Variants in FAM120B observed in about 807,000 individuals in gnomAD.
The protein encoded by FAM120B is constitutive coactivator of peroxisome proliferator-activated receptor gamma.
In FAM120B, 83 loss-of-function variants were observed where a neutral mutation model predicts 96.3. The observed-to-expected ratio is 0.86, with a 90% CI of 0.72 to 1.03. The LOEUF is 1.03. Among genes scored for constraint, FAM120B ranks in the 50% least tolerant of loss-of-function variants. The pLI is 0.00. For missense variants in FAM120B, 1,027 were observed against 1,121.2 expected (o/e 0.92, Z 1.20); for synonymous variants, 407 against 402.7 (o/e 1.01, Z -0.13).
intron 1 of FAM120B, among the ~76,000 whole-genome samples, chr6:170,297,604 A>G (rs1784046031): frequency 6.6e-6 from 1 of 152,128 alleles, no homozygotes; most frequent in Non-Finnish European, 1.5e-5. Context: ...AAGTTATTCA[A>G]CTTTCCACCT....
intron 1 of FAM120B, among the ~76,000 whole-genome samples, chr6:170,309,793 C>A (rs1003378060): frequency 1.3e-5 from 2 of 152,010 alleles, no homozygotes; most frequent in Non-Finnish European, 2.9e-5. Flanking sequence ...AGGTTTTTGC[C>A]CATTAAGCAC....
chr6:170,376,886 G>A (rs199762723), intron 6 of FAM120B, among the ~76,000 whole-genome samples: 1 of 152,088 alleles, frequency 6.6e-6, no homozygotes. Context: ...TCCGTGTAGA[G>A]CAAGCGGGGA....
At chr6:170,390,577 GTTTTGTT>G (rs561816658) in intron 7 of FAM120B, among the ~76,000 whole-genome samples, 49 of 151,998 alleles carry the variant, frequency 3.2e-4, no homozygotes, top group Middle Eastern at 6.8e-3. Context: ...TGCTGATGTT[GTTTTGTT>G]TTTTGTTTTT....
intron 1 of FAM120B, among the ~76,000 whole-genome samples, chr6:170,316,592 A>G (rs186649210): frequency 6.6e-6 from 1 of 152,342 alleles, no homozygotes; most frequent in Non-Finnish European, 1.5e-5. Context: ...AAATTTTCAA[A>G]TGGGCAGTTT....
intron 5 of FAM120B, among the ~76,000 whole-genome samples, chr6:170,357,754 G>A (rs540735018): frequency 6.6e-6 from 1 of 152,338 alleles, no homozygotes. Context: ...GTTCTGCGGA[G>A]TTTTGCCTTG....
chr6:170,338,844 CT>C (rs61188907), intron 4 of FAM120B, among the ~76,000 whole-genome samples: 1,767 of 85,418 alleles, frequency 0.021, 8 homozygotes, highest in African/African-American at 0.05. Flanking sequence ...TTGCAACCTG[CT>C]TTTTTTTTTT....
intron 9 of FAM120B, among the ~76,000 whole-genome samples, chr6:170,396,471 T>G (rs1778171756): frequency 6.6e-6 from 1 of 152,240 alleles, no homozygotes; most frequent in Non-Finnish European, 1.5e-5. Context: ...ATGCCCATCC[T>G]TGAGAGAGAG....
At chr6:170,310,222 G>A (rs1784511403) in intron 1 of FAM120B, among the ~76,000 whole-genome samples, 1 of 152,242 alleles carries the variant, frequency 6.6e-6, no homozygotes, top group Non-Finnish European at 1.5e-5. Context: ...AGCCTCTAAG[G>A]GGTTTTGTAG....
At chr6:170,315,411 A>G (rs1383528105) in intron 1 of FAM120B, among the ~76,000 whole-genome samples, 1 of 152,214 alleles carries the variant, frequency 6.6e-6, no homozygotes, top group East Asian at 1.9e-4. Context: ...CAAATGAAAA[A>G]GAATACCCTT....
At position 170,403,751 on chromosome 6, in the gene FAM120B, A is replaced by C. The variant is rs1001467085; in HGVS notation, c.2693-799A>C. Among the ~76,000 whole-genome samples, 5 of 152,048 alleles carry C rather than the reference A, an allele frequency of 3.3e-5. 1 individual carries two copies. The highest frequency in any genetic ancestry group is 1.2e-4 in the African/African-American group (5 of 41,374). On this transcript the variant is annotated intron_variant, in intron 9 of 10. Coordinates refer to ENST00000476287, the MANE Select transcript of FAM120B (RefSeq NM_032448.3). ...TTTGCCTGTGATTTTCCAGATTGTC[A>C]CTTCTCTGTGGTGATTCTGTAGGAG...
chr6:170,345,924 A>C (rs1334033008), intron 4 of FAM120B, among the ~76,000 whole-genome samples: 4 of 152,220 alleles, frequency 2.6e-5, no homozygotes, highest in African/African-American at 9.6e-5. Flanking sequence ...ACATCATAGA[A>C]TGTACTTGCA....
intron 5 of FAM120B, among the ~76,000 whole-genome samples, chr6:170,354,627 C>G (rs1314346033): frequency 1.3e-5 from 2 of 152,102 alleles, no homozygotes; most frequent in Non-Finnish European, 2.9e-5. Context: ...AGACACTTCT[C>G]AAAAGAGGAC....
chr6:170,299,156 A>G (rs551305075), intron 1 of FAM120B, among the ~76,000 whole-genome samples: 1 of 152,326 alleles, frequency 6.6e-6, no homozygotes, highest in South Asian at 2.1e-4. Flanking sequence ...TGAGGCTATT[A>G]GCACCTGGCC....
chr6:170,380,128 C>T (rs1187042999), intron 6 of FAM120B, among the ~76,000 whole-genome samples: 1 of 152,182 alleles, frequency 6.6e-6, no homozygotes, highest in Non-Finnish European at 1.5e-5. Context: ...ACTTATTTCA[C>T]TTAACATAGT....
intron 6 of FAM120B, among the ~76,000 whole-genome samples, chr6:170,368,931 C>T (rs1788992395): frequency 6.8e-6 from 1 of 147,334 alleles, no homozygotes; most frequent in Non-Finnish European, 1.5e-5. Flanking sequence ...TGGTAGGGTG[C>T]CCCCCACCCC....
intron 4 of FAM120B, among the ~76,000 whole-genome samples, chr6:170,339,449 A>T (rs936428681): frequency 3.4e-5 from 5 of 148,668 alleles, no homozygotes; most frequent in Non-Finnish European, 6.0e-5. Flanking sequence ...GATTCAATTT[A>T]AAAAAAAAAG....
intron 4 of FAM120B, 99 bp from the exon 5 acceptor site, chr6:170,348,052 G>A: frequency 2.0e-6 from 2 of 976,822 alleles, no homozygotes; most frequent in Non-Finnish European, 3.0e-6. Context: ...ACATCAGGAA[G>A]GGAAGAGATT....
At chr6:170,402,687 G>C (rs1422009356) in intron 9 of FAM120B, among the ~76,000 whole-genome samples, 2 of 152,216 alleles carry the variant, frequency 1.3e-5, no homozygotes, top group African/African-American at 4.8e-5. Context: ...AACTCCAGGT[G>C]TAGGGTTCCC....
chr6:170,372,986 T>C (rs1235120267), intron 6 of FAM120B, among the ~76,000 whole-genome samples: 2 of 152,236 alleles, frequency 1.3e-5, no homozygotes, highest in African/African-American at 4.8e-5. Context: ...TGAAGCAATA[T>C]CTGAAACTTA....
Sources: gnomAD v4.1 joint callset for allele counts (sites outside exome capture counted in the v4.1 genomes callset) on GRCh38, gnomAD v4.1.1 for gene constraint, MANE v1.5 for transcripts, NCBI Gene and HGNC (gene_info 2026-07-23, HGNC 2026-07-21) for gene names.